NSD2: variants seen among roughly 807,000 people sequenced by gnomAD.
NSD2 encodes the protein nuclear receptor binding SET domain protein 2.
Under a neutral mutation model 139.0 loss-of-function variants are expected in NSD2, and 12 were observed. The ratio of observed to expected loss-of-function variants is 0.09; its 90% CI spans 0.06 to 0.14. NSD2 has a LOEUF of 0.14. NSD2 is among the 10% of genes least tolerant of loss of function. The pLI, the probability that NSD2 is intolerant of heterozygous loss-of-function variation, is 1.00. For missense variants in NSD2, 1,155 were observed against 1,745.0 expected (o/e 0.66, Z 6.02); for synonymous variants, 669 against 648.7 (o/e 1.03, Z -0.48).
Position 1,980,596 on chromosome 4 carries a change from G to A in NSD2, c.*1687G>A, listed in dbSNP as rs576416003. On this transcript the variant is annotated 3_prime_UTR_variant, in exon 22 of 22. Transcript: ENST00000508803. ...CTCCGTGGTTTTGTGACCTGTAAGC[G>A]TGGGGTTCAGGGGTGTGTGGCCCTG... 16 of 233,078 alleles carry A rather than the reference G, an allele frequency of 6.9e-5. No homozygotes were observed. Among genetic ancestry groups the A allele is most frequent in the Admixed American group, 3.9e-4 (7 of 17,788 alleles). 14.4% of individuals were successfully genotyped at this position (233,078 alleles called of 1,614,324 possible). A position where few individuals can be genotyped will look rare whatever the true frequency, so the allele number is the denominator to read the frequency against.
At position 1,959,382 on chromosome 4, in the gene NSD2, G is replaced by T; in HGVS notation, c.2986-89G>T. 4.0e-6 allele frequency: 6 copies of T among 1,509,306 alleles called. No individual in the cohort carries two copies. The South Asian group carries it at 7.6e-5, about 19-fold the overall frequency. 93.5% of individuals were successfully genotyped at this position (1,509,306 alleles called of 1,614,324 possible). On this transcript the variant is annotated intron_variant, in intron 16 of 21. Transcript: ENST00000508803. ...GAAGCTTTCTAAAAGGCCACCTGGAGGCTGGGTAAGGAGAGGCAGTGGTGG... is the reference window on the plus strand; with the variant it reads ...GAAGCTTTCTAAAAGGCCACCTGGATGCTGGGTAAGGAGAGGCAGTGGTGG...
intron 7 of NSD2, 41 bp downstream of exon 7, chr4:1,935,303 G>C: frequency 1.4e-6 from 2 of 1,478,528 alleles, no homozygotes; most frequent in Middle Eastern, 1.8e-4. Flanking sequence ...CAGAGTGTAT[G>C]CTCTGTGACT....
At chr4:1,934,878 AATATATAT>A (rs1161633448) in intron 6 of NSD2, among the ~76,000 whole-genome samples, 15 of 22,060 alleles carry the variant, frequency 6.8e-4, no homozygotes, top group African/African-American at 1.3e-3. Flanking sequence ...AAAAAAAAAA[AATATATAT>A]ATATATATAT....
chr4:1,913,944 C>T (rs907328765), intron 3 of NSD2, among the ~76,000 whole-genome samples: 6 of 152,272 alleles, frequency 3.9e-5, no homozygotes, highest in African/African-American at 1.4e-4. Context: ...GTTAAGTTTT[C>T]TTTTTTCCTG....
chr4:1,944,565 C>G (rs185494490), intron 9 of NSD2: 1 of 1,064,524 alleles, frequency 9.4e-7, no homozygotes, highest in African/African-American at 1.6e-5. Context: ...AAACTTGAGG[C>G]ATTCACTAGA....
At chr4:1,915,101 CTT>C (rs1235262129) in intron 3 of NSD2, among the ~76,000 whole-genome samples, 4 of 137,816 alleles carry the variant, frequency 2.9e-5, no homozygotes, top group African/African-American at 1.1e-4. Flanking sequence ...TGAATTTTTT[CTT>C]TTTTTCTCTT....
intron 1 of NSD2, among the ~76,000 whole-genome samples, chr4:1,890,781 A>G (rs1178635430): frequency 6.6e-6 from 1 of 151,622 alleles, no homozygotes; most frequent in East Asian, 1.9e-4. Context: ...TATTTTTAGT[A>G]GAGACGGGGT....
Position 1,944,610 on chromosome 4 carries a change from T to C in NSD2, c.1881+4832T>C, listed in dbSNP as rs1436921070. 9.4e-6 allele frequency: 10 copies of C among 1,063,180 alleles called. No homozygotes were observed. In the East Asian group the frequency reaches 5.1e-4, roughly 54 times the overall value. 65.9% of individuals were successfully genotyped at this position (1,063,180 alleles called of 1,614,324 possible). A position where few individuals can be genotyped will look rare whatever the true frequency, so the allele number is the denominator to read the frequency against. ...TTGTCAGAATATATAAAAGCTTAGA[T>C]TGTAGCTGTTCTAAAAACGTAAGTA... On this transcript the variant is annotated intron_variant, in intron 9 of 21. Coordinates refer to ENST00000508803, the MANE Select transcript of NSD2 (RefSeq NM_001042424.3).
intron 1 of NSD2, among the ~76,000 whole-genome samples, chr4:1,872,564 T>TTG (rs752377919): frequency 0.015 from 1,491 of 100,944 alleles, 47 homozygotes; most frequent in Middle Eastern, 0.02. Flanking sequence ...AACGTGTATT[T>TTG]TGTGTGTGTG....
intron 1 of NSD2, among the ~76,000 whole-genome samples, chr4:1,898,672 C>A (rs867653432): frequency 0.026 from 3,589 of 138,038 alleles, 160 homozygotes; most frequent in African/African-American, 0.097. Flanking sequence ...AAAAAAAAAA[C>A]AAAAAACAAA....
chr4:1,920,824 A>G (rs1450519603), intron 5 of NSD2, among the ~76,000 whole-genome samples: 1 of 151,878 alleles, frequency 6.6e-6, no homozygotes, highest in African/African-American at 2.4e-5. Flanking sequence ...GCTTGAGCCC[A>G]TGAGTTTGAG....
intron 5 of NSD2, among the ~76,000 whole-genome samples, chr4:1,923,491 G>GT (rs1197269050): frequency 2.0e-5 from 3 of 152,186 alleles, no homozygotes; most frequent in Admixed American, 1.3e-4. Context: ...GAAGCTGTAT[G>GT]TTACGATCCT....
chr4:1,947,541 C>T, intron 9 of NSD2: 1 of 1,053,516 alleles, frequency 9.5e-7, no homozygotes, highest in Non-Finnish European at 1.1e-6. Flanking sequence ...TTGTTATGAA[C>T]TATAGTATTT....
intron 5 of NSD2, 77 bp downstream of exon 5, chr4:1,918,700 T>A: frequency 1.3e-6 from 2 of 1,553,572 alleles, no homozygotes; most frequent in Non-Finnish European, 1.7e-6. Context: ...ATCATCTGTT[T>A]CTCAGCATTA....
In NSD2 at chr4:1,980,666, C is replaced by T. The variant is rs886059329; in HGVS notation, c.*1757C>T. ...GAGCACTGACTGGAAGTTTCACTGGCTGGTGGCTGTCCCTTCTCCCATCAG... is the reference window on the plus strand; with the variant it reads ...GAGCACTGACTGGAAGTTTCACTGGTTGGTGGCTGTCCCTTCTCCCATCAG... On this transcript the variant is annotated 3_prime_UTR_variant, in exon 22 of 22. Transcript: ENST00000508803. The T allele has an allele frequency of 1.7e-5, 4 of 233,092 alleles. No individual in the cohort carries two copies. Among genetic ancestry groups the T allele is most frequent in the Non-Finnish European group, 2.5e-5 (3 of 118,024 alleles). 14.4% of individuals were successfully genotyped at this position (233,092 alleles called of 1,614,324 possible). A position where few individuals can be genotyped will look rare whatever the true frequency, so the allele number is the denominator to read the frequency against.
At chr4:1,877,619 C>A (rs1714355398) in intron 1 of NSD2, among the ~76,000 whole-genome samples, 1 of 152,196 alleles carries the variant, frequency 6.6e-6, no homozygotes, top group African/African-American at 2.4e-5. Context: ...GAATGCTGTG[C>A]CTGACTCCTG....
rs764690901 is a variant in NSD2, at chr4:1,958,855, G to T, written c.2986-616G>T. Among the ~76,000 whole-genome samples, 2 of 152,254 alleles carry T rather than the reference G, an allele frequency of 1.3e-5. No homozygotes were observed. Among genetic ancestry groups the T allele is most frequent in the Admixed American group, 6.5e-5 (1 of 15,292 alleles). ...GTACAGTTTGTCATACCACAGCAGT[G>T]AAAAGAGTGTCTTTCGCCACCTCTT... On this transcript the variant is annotated intron_variant, in intron 16 of 21. Transcript: ENST00000508803. The surrounding 1 kb of genome is among the most constrained non-coding windows in gnomAD (Gnocchi z 4.6).
At chr4:1,961,304 A>G (rs548103140) in intron 18 of NSD2, among the ~76,000 whole-genome samples, 153 bp downstream of exon 18, 3 of 152,308 alleles carry the variant, frequency 2.0e-5, no homozygotes, top group East Asian at 1.9e-4. Context: ...TCTGAGGTGC[A>G]GCGTGTCTTT....
chr4:1,939,606 A>T (rs1175790891), intron 8 of NSD2, 48 bp from the exon 9 acceptor site: 1 of 1,584,414 alleles, frequency 6.3e-7, no homozygotes, highest in African/African-American at 1.3e-5. Context: ...CAGTAAAAAG[A>T]TCAAGGGTTT....
Sources: allele counts gnomAD v4.1 joint callset (sites outside exome capture counted in the v4.1 genomes callset), GRCh38; gene constraint gnomAD v4.1.1; non-coding constraint Gnocchi (gnomAD v3.1); transcripts MANE v1.5; gene names NCBI Gene and HGNC (gene_info 2026-07-23, HGNC 2026-07-21).